UBQLN1: variants seen among roughly 807,000 people sequenced by gnomAD.
UBQLN1 encodes the protein ubiquilin-1.
UBQLN1 carries 13 observed loss-of-function variants against 65.4 expected under a neutral mutation model. The observed-to-expected ratio is 0.20, with a 90% CI of 0.13 to 0.32. UBQLN1 has a LOEUF of 0.32. UBQLN1 is among the 10% of genes least tolerant of loss of function. UBQLN1 has a pLI of 1.00. For synonymous variants in UBQLN1, 267 were observed against 247.8 expected, an observed-to-expected ratio of 1.08 and a Z score of -0.73; for missense variants, 561 against 724.0, an observed-to-expected ratio of 0.77 and a Z score of 2.58.
chr9:83,674,359 C>A (rs142553322), intron 6 of UBQLN1, among the ~76,000 whole-genome samples: 140 of 152,294 alleles, frequency 9.2e-4, no homozygotes, highest in African/African-American at 3.2e-3. Context: ...TATATAAGCA[C>A]TGCCGGACCA....
intron 6 of UBQLN1, among the ~76,000 whole-genome samples, chr9:83,676,559 T>C (rs977488214): frequency 6.6e-6 from 1 of 152,248 alleles, no homozygotes; most frequent in Non-Finnish European, 1.5e-5. Context: ...TTAAAAATGG[T>C]ATTACTTCAG....
At chr9:83,683,329 G>A (rs1167314390) in intron 2 of UBQLN1, among the ~76,000 whole-genome samples, 2 of 149,330 alleles carry the variant, frequency 1.3e-5, no homozygotes, top group Admixed American at 1.4e-4. Flanking sequence ...GGAGAATGGC[G>A]TGAACCCAGG....
In UBQLN1 at chr9:83,667,519, T is replaced by C. The variant is rs578131254; in HGVS notation, c.1249-1086A>G. The C allele has an allele frequency of 4.1e-6, 4 of 985,404 alleles. No individual in the cohort carries two copies. The African/African-American group carries it at 5.2e-5, about 13-fold the overall frequency. 61.0% of individuals were successfully genotyped at this position (985,404 alleles called of 1,614,324 possible). On this transcript the variant is annotated intron_variant, in intron 7 of 10. Coordinates refer to ENST00000376395, the MANE Select transcript of UBQLN1 (RefSeq NM_013438.5). ...GATGTCAGACAACCTTTCAGGAACA[T>C]ACAGTATTTATTTCAAAGTGACCAG...
chr9:83,668,712 G>C (rs962640890), intron 7 of UBQLN1: 44 of 855,178 alleles, frequency 5.1e-5, no homozygotes, highest in Non-Finnish European at 6.2e-5. Context: ...ATAGTTGAAA[G>C]AAGGAGAACA....
At chr9:83,688,719 G>C (rs1721723848) in intron 1 of UBQLN1, among the ~76,000 whole-genome samples, 1 of 151,970 alleles carries the variant, frequency 6.6e-6, no homozygotes, top group African/African-American at 2.4e-5. Flanking sequence ...AACTTAGCTG[G>C]GCATTGTGGT....
intron 5 of UBQLN1, among the ~76,000 whole-genome samples, chr9:83,678,229 G>A (rs1230560605): frequency 6.6e-6 from 1 of 152,086 alleles, no homozygotes; most frequent in Non-Finnish European, 1.5e-5. Context: ...CACCGTATTA[G>A]CCAGGATGGT....
chr9:83,707,302 C>G (rs1832428187), intron 1 of UBQLN1, among the ~76,000 whole-genome samples, 198 bp downstream of exon 1: 1 of 152,178 alleles, frequency 6.6e-6, no homozygotes, highest in South Asian at 2.1e-4. Flanking sequence ...CACAAACAGG[C>G]CGCGCCGCCA....
intron 6 of UBQLN1, among the ~76,000 whole-genome samples, chr9:83,675,867 C>T (rs1393063162): frequency 2.0e-5 from 3 of 152,060 alleles, no homozygotes; most frequent in Admixed American, 2.0e-4. Flanking sequence ...TGTTATTCCC[C>T]CAAAGAAGTC....
chr9:83,662,268 AC>A (rs1554726261), intron 10 of UBQLN1, among the ~76,000 whole-genome samples: 1 of 54,170 alleles, frequency 1.8e-5, no homozygotes, highest in African/African-American at 1.8e-4. Flanking sequence ...ATATACATAT[AC>A]ATATACACAC....
At chr9:83,698,557 A>C (rs1276063865) in intron 1 of UBQLN1, among the ~76,000 whole-genome samples, 1 of 152,240 alleles carries the variant, frequency 6.6e-6, no homozygotes, top group Non-Finnish European at 1.5e-5. Flanking sequence ...AGCGACCAGC[A>C]ACAGATCAAT....
At chr9:83,671,894 T>G (rs1213738112) in intron 6 of UBQLN1, among the ~76,000 whole-genome samples, 3 of 152,204 alleles carry the variant, frequency 2.0e-5, no homozygotes, top group Non-Finnish European at 4.4e-5. Flanking sequence ...TAGAAGGCTG[T>G]TTTTCACCTA....
At chr9:83,685,498 G>A (rs1832025374) in intron 2 of UBQLN1, among the ~76,000 whole-genome samples, 2 of 151,914 alleles carry the variant, frequency 1.3e-5, no homozygotes, top group African/African-American at 4.8e-5. Flanking sequence ...ATACACAAAG[G>A]TATCTCTTTA....
At position 83,676,452 on chromosome 9, in the gene UBQLN1, T is replaced by C. The variant is rs1248258643; in HGVS notation, c.1105+1275A>G. Among the ~76,000 whole-genome samples, 6 of 152,348 alleles carry C rather than the reference T, an allele frequency of 3.9e-5. No individual in the cohort carries two copies. In the East Asian group the frequency reaches 1.2e-3, roughly 29 times the overall value. ...AATATGATTAAATCTTTGCCTGCTC[T>C]ATACCCTTTAAAGTAAGAACATTGC... On this transcript the variant is annotated intron_variant, in intron 6 of 10. Transcript: ENST00000376395.
chr9:83,668,059 T>C (rs1587639008), intron 7 of UBQLN1: 12 of 985,266 alleles, frequency 1.2e-5, no homozygotes, highest in Non-Finnish European at 1.3e-5. Flanking sequence ...ACACTTAAAA[T>C]GGCTTATTAT....
At chr9:83,678,816 A>C (rs1485543232) in intron 4 of UBQLN1, among the ~76,000 whole-genome samples, 1 of 152,008 alleles carries the variant, frequency 6.6e-6, no homozygotes, top group African/African-American at 2.4e-5. Context: ...TCCCGGGTTC[A>C]CACCCATTCT....
At chr9:83,675,923 A>T (rs1831824370) in intron 6 of UBQLN1, among the ~76,000 whole-genome samples, 1 of 140,650 alleles carries the variant, frequency 7.1e-6, no homozygotes, top group East Asian at 4.1e-4. Flanking sequence ...GTAACTAAAT[A>T]TTACCAATTT....
At position 83,661,620 on chromosome 9, in the gene UBQLN1, C is replaced by T. The variant is rs1587633715; in HGVS notation, c.*167G>A. The T allele has an allele frequency of 1.6e-6, 1 of 621,666 alleles. No individual in the cohort carries two copies. The highest frequency in any genetic ancestry group is 3.1e-5 in the East Asian group (1 of 32,778). 38.5% of individuals were successfully genotyped at this position (621,666 alleles called of 1,614,324 possible). On this transcript the variant is annotated 3_prime_UTR_variant, in exon 11 of 11. Coordinates refer to ENST00000376395, the MANE Select transcript of UBQLN1 (RefSeq NM_013438.5). The stretch of plus-strand genomic sequence containing the variant: ...CCCACTGTTCCAGAAAAGAAAAATA[C>T]AGAAAAACCCACACATCTTACTGTA...
chr9:83,682,846 TGTTAAAGTGACATAATG>T, intron 3 of UBQLN1, 88 bp downstream of exon 3: 1 of 528,070 alleles, frequency 1.9e-6, no homozygotes, highest in Non-Finnish European at 3.3e-6. Flanking sequence ...TAATTTTTGT[TGTTAAAGTGACATAATG>T]TTTTATTTTC....
chr9:83,698,410 A>G (rs1462137614), intron 1 of UBQLN1, among the ~76,000 whole-genome samples: 1 of 152,250 alleles, frequency 6.6e-6, no homozygotes, highest in Non-Finnish European at 1.5e-5. Context: ...ATTACAAAAT[A>G]TATTTCAAAG....
Sources: allele counts gnomAD v4.1 joint callset (sites outside exome capture counted in the v4.1 genomes callset), GRCh38; gene constraint gnomAD v4.1.1; transcripts MANE v1.5; gene names NCBI Gene and HGNC (gene_info 2026-07-23, HGNC 2026-07-21).